TCF4: variants seen among roughly 807,000 people sequenced by gnomAD.
TCF4 encodes the protein transcription factor 4, also known as SL3-3 enhancer factor 2.
In TCF4, 3 loss-of-function variants were observed where a neutral mutation model predicts 82.1. The ratio of observed to expected loss-of-function variants is 0.04; its 90% CI spans 0.02 to 0.09. The LOEUF (loss-of-function observed/expected upper bound fraction) is 0.09. Ranked by LOEUF, TCF4 falls within the 10% of genes least tolerant of loss-of-function variation. The probability of loss-of-function intolerance (pLI) is 1.00; values close to 1 mark genes in which losing one functional copy is unlikely to be tolerated. For synonymous variants in TCF4, 276 were observed against 309.6 expected, an observed-to-expected ratio of 0.89 and a Z score of 1.14; for missense variants, 518 against 852.7, an observed-to-expected ratio of 0.61 and a Z score of 4.89.
chr18:55,420,905 A>T (rs903075297), intron 5 of TCF4, among the ~76,000 whole-genome samples: 3 of 151,882 alleles, frequency 2.0e-5, no homozygotes, highest in Non-Finnish European at 4.4e-5. Context: ...AAAAGAAAAA[A>T]AAAAAAAAAA....
Position 55,361,724 on chromosome 18 carries a change from G to A in TCF4, c.370-10721C>T, listed in dbSNP as rs150502639. Among the ~76,000 whole-genome samples, 753 of 152,276 alleles carry A rather than the reference G, an allele frequency of 4.9e-3. 6 individuals carry two copies. Among genetic ancestry groups the A allele is most frequent in the African/African-American group, 0.017 (701 of 41,544 alleles). On this transcript the variant is annotated intron_variant, in intron 6 of 19. Coordinates refer to ENST00000354452, the MANE Select transcript of TCF4 (RefSeq NM_001083962.2). ...TGGGAGGGAATGTCCTCACTGTTGAGTCCCAAGCACCAGCCCAGGATGCCA... is the reference window on the plus strand; with the variant it reads ...TGGGAGGGAATGTCCTCACTGTTGAATCCCAAGCACCAGCCCAGGATGCCA...
At chr18:55,514,585 C>T (rs1041489124) in intron 3 of TCF4, among the ~76,000 whole-genome samples, 2 of 152,178 alleles carry the variant, frequency 1.3e-5, no homozygotes, top group African/African-American at 4.8e-5. Flanking sequence ...AAGAAATACA[C>T]AGCTGCTGAT....
chr18:55,398,062 G>C (rs150238209), intron 6 of TCF4, among the ~76,000 whole-genome samples: 1 of 152,224 alleles, frequency 6.6e-6, no homozygotes, highest in Non-Finnish European at 1.5e-5. Flanking sequence ...CTGCTGGTGG[G>C]GATAGAAGGG....
intron 5 of TCF4, among the ~76,000 whole-genome samples, chr18:55,423,310 T>G (rs1375781028): frequency 6.6e-6 from 1 of 152,088 alleles, no homozygotes; most frequent in East Asian, 1.9e-4. Flanking sequence ...CACAGAGTTG[T>G]GCAAATCATT....
intron 8 of TCF4, 23 bp from the exon 9 acceptor site, chr18:55,279,679 GT>G: frequency 1.2e-6 from 2 of 1,613,676 alleles, no homozygotes; most frequent in Non-Finnish European, 1.7e-6. Context: ...AACCAACTGA[GT>G]TTTGCTTTTT....
intron 3 of TCF4, among the ~76,000 whole-genome samples, chr18:55,540,364 GT>G (rs1250499973): frequency 2.6e-5 from 4 of 152,058 alleles, no homozygotes; most frequent in Non-Finnish European, 5.9e-5. Flanking sequence ...GTCTAATAGA[GT>G]AAATGACTGT....
chr18:55,302,461 G>C, intron 8 of TCF4: 2 of 1,536,220 alleles, frequency 1.3e-6, no homozygotes, highest in Non-Finnish European at 1.7e-6. Context: ...CTGTATCTGA[G>C]CATCTGCATT....
At chr18:55,269,559 G>A (rs575275958) in intron 11 of TCF4, 11 of 459,376 alleles carry the variant, frequency 2.4e-5, no homozygotes, top group South Asian at 2.3e-4. Context: ...TGAATGTGAG[G>A]AACAAGATAG....
intron 1 of TCF4, among the ~76,000 whole-genome samples, chr18:55,634,777 G>T (rs918735021): frequency 6.6e-6 from 1 of 152,170 alleles, no homozygotes; most frequent in Non-Finnish European, 1.5e-5. Context: ...ACAGGAAATT[G>T]TTAGGATCTG....
chr18:55,577,155 T>A (rs1012406326), intron 3 of TCF4, among the ~76,000 whole-genome samples: 8 of 144,526 alleles, frequency 5.5e-5, no homozygotes, highest in Admixed American at 1.4e-4. Flanking sequence ...TATATTTATA[T>A]ATGTATATAT....
chr18:55,589,904 GA>G, upstream of TCF4: 1 of 922,334 alleles, frequency 1.1e-6, no homozygotes, highest in Non-Finnish European at 1.3e-6. Context: ...AGAGCGCCTA[GA>G]GAGGCGGCCA....
chr18:55,620,798 TTC>T (rs1491370346), intron 2 of TCF4, among the ~76,000 whole-genome samples: 1 of 108,268 alleles, frequency 9.2e-6, no homozygotes, highest in Non-Finnish European at 1.9e-5. Context: ...TTTTGTCCAG[TTC>T]TTTTTTTTTT....
intron 6 of TCF4, chr18:55,401,872 T>G (rs1603447282): frequency 2.3e-6 from 2 of 874,576 alleles, no homozygotes; most frequent in African/African-American, 3.6e-5. Flanking sequence ...GCCATGACCA[T>G]CTGCAGAAAG....
chr18:55,349,640 A>G (rs1333682500), intron 8 of TCF4, among the ~76,000 whole-genome samples: 1 of 152,090 alleles, frequency 6.6e-6, no homozygotes, highest in Non-Finnish European at 1.5e-5. Flanking sequence ...CTAGAAATGG[A>G]CTAGTCCTAA....
At chr18:55,563,155 C>T (rs1049264198) in intron 3 of TCF4, among the ~76,000 whole-genome samples, 5 of 151,298 alleles carry the variant, frequency 3.3e-5, no homozygotes, top group Admixed American at 3.3e-4. Context: ...GGGAGGATCA[C>T]CTGAGACCAG....
intron 3 of TCF4, among the ~76,000 whole-genome samples, chr18:55,572,255 T>A (rs1206986593): frequency 2.0e-5 from 3 of 152,204 alleles, no homozygotes; most frequent in Admixed American, 1.3e-4. Context: ...TCTAACTAGC[T>A]GGTGTAACCA....
chr18:55,497,843 C>T (rs942201259), intron 3 of TCF4, among the ~76,000 whole-genome samples: 1 of 151,994 alleles, frequency 6.6e-6, no homozygotes. Context: ...ACTAAAGCTA[C>T]ATGAAATTGG....
intron 17 of TCF4, chr18:55,230,745 C>G (rs1158824058): frequency 6.6e-6 from 1 of 152,186 alleles, no homozygotes; most frequent in East Asian, 1.9e-4. Context: ...ATATATGACT[C>G]TGATGTTCCA....
rs549726919 is a variant in TCF4 at position 55,224,179 on chromosome 18, T to C, written c.*3856A>G. 2.8e-5 allele frequency: 4 copies of C among 142,162 alleles called. No homozygotes were observed. Among genetic ancestry groups the C allele is most frequent in the Non-Finnish European group, 4.6e-5 (3 of 64,712 alleles). 8.8% of individuals were successfully genotyped at this position (142,162 alleles called of 1,614,324 possible). A position where few individuals can be genotyped will look rare whatever the true frequency, so the allele number is the denominator to read the frequency against. ...TAAATCTCTGCTTTTTTTTTTTTTT[T>C]CTTATCTTCACTTAATTGCATCACA... is the stretch of plus-strand genomic sequence containing the variant. On this transcript the variant is annotated 3_prime_UTR_variant, in exon 20 of 20. Coordinates refer to ENST00000354452, the MANE Select transcript of TCF4 (RefSeq NM_001083962.2).
Sources: gnomAD v4.1 joint callset for allele counts (sites outside exome capture counted in the v4.1 genomes callset) on GRCh38, gnomAD v4.1.1 for gene constraint, MANE v1.5 for transcripts, NCBI Gene and HGNC (gene_info 2026-07-23, HGNC 2026-07-21) for gene names.